DEFB134: variants seen among roughly 807,000 people sequenced by gnomAD.
The protein encoded by DEFB134 is beta-defensin 134.
A neutral mutation model predicts 7.4 loss-of-function variants in DEFB134; 7 were observed. The ratio of observed to expected loss-of-function variants is 0.95; its 90% CI spans 0.54 to 1.79. The LOEUF (loss-of-function observed/expected upper bound fraction) is 1.79. Ranked by LOEUF, DEFB134 falls within the 40% of genes most tolerant of loss-of-function variation. The pLI, the probability that DEFB134 is intolerant of heterozygous loss-of-function variation, is 0.00. For synonymous variants in DEFB134, 33 were observed against 25.0 expected, an observed-to-expected ratio of 1.32 and a Z score of -0.96; for missense variants, 105 against 74.8, an observed-to-expected ratio of 1.40 and a Z score of -1.49.
At chr8:11,996,097 T>C in intron 1 of DEFB134, 97 bp downstream of exon 2, 1 of 1,421,958 alleles carries the variant, frequency 7.0e-7, no homozygotes, top group Non-Finnish European at 9.7e-7. Flanking sequence ...AGCTTGAAAA[T>C]TAAAGGGCCC....
chr8:11,994,166 T>A (rs1800058019), intron 1 of DEFB134, 44 bp from the exon 3 acceptor site: 1 of 1,566,650 alleles, frequency 6.4e-7, no homozygotes, highest in South Asian at 1.2e-5. Flanking sequence ...ACAGGCCTTT[T>A]TGGACCATAA....
chr8:11,996,171 C>T, intron 1 of DEFB134, 23 bp downstream of exon 2: 1 of 1,613,060 alleles, frequency 6.2e-7, no homozygotes. Flanking sequence ...GCACCCCTAC[C>T]CCCCAAAATA....
At chr8:11,993,681 A>G (rs2150557786) in exon 2 of DEFB134, 1 of 259,902 alleles carries the variant, frequency 3.8e-6, no homozygotes, top group East Asian at 7.0e-5. Context: ...TTTCTAAATA[A>G]TAAGAATATC....
chr8:11,996,077 GC>G, intron 1 of DEFB134, 116 bp downstream of exon 2: 1 of 1,256,150 alleles, frequency 8.0e-7, no homozygotes, highest in Non-Finnish European at 1.1e-6. Flanking sequence ...ACTAGTTGAT[GC>G]TTTTTTCTAG....
At chr8:11,993,894 C>G (rs915170303) in exon 2 of DEFB134, 2 of 1,537,120 alleles carry the variant, frequency 1.3e-6, no homozygotes, top group Admixed American at 3.9e-5. Context: ...ATCATGGTGT[C>G]ACAGTTTGAT....
At chr8:11,995,168 A>C (rs1352320689) in intron 1 of DEFB134, among the ~76,000 whole-genome samples, 1 of 152,228 alleles carries the variant, frequency 6.6e-6, no homozygotes, top group Admixed American at 6.5e-5. Flanking sequence ...AGAACTTTCA[A>C]TGGAAATGAC....
chr8:11,996,227 C>G, exon 1 of DEFB134: 2 of 1,613,740 alleles, frequency 1.2e-6, no homozygotes, highest in Non-Finnish European at 1.7e-6. Flanking sequence ...AAAAGAAAGA[C>G]AAACACAACA....
upstream of DEFB134, chr8:11,996,354 G>A: frequency 7.5e-7 from 1 of 1,331,880 alleles, no homozygotes; most frequent in Non-Finnish European, 1.1e-6. Context: ...AACCTCTCAG[G>A]GCTGGGGTAT....
At chr8:11,999,040 T>A (rs1800200254), upstream of DEFB134, 1 of 153,262 alleles carries the variant, frequency 6.5e-6, no homozygotes, top group Non-Finnish European at 1.5e-5. Flanking sequence ...GAATCAGTAG[T>A]AAAAAACCTA....
At chr8:11,993,917 GT>G in exon 2 of DEFB134, 1 of 1,572,264 alleles carries the variant, frequency 6.4e-7, no homozygotes. Context: ...AAATTCCCTG[GT>G]TTTGTGAAAG....
chr8:11,995,945 G>A (rs111601803), intron 1 of DEFB134, among the ~76,000 whole-genome samples: 113 of 120,874 alleles, frequency 9.3e-4, no homozygotes, highest in Non-Finnish European at 1.3e-3. Flanking sequence ...TCATTGGTGC[G>A]GATCAGTTCA....
chr8:11,994,066 T>C (rs761938064), exon 2 of DEFB134: 2 of 1,613,934 alleles, frequency 1.2e-6, no homozygotes, highest in Non-Finnish European at 1.7e-6. Context: ...CATTCAAGTC[T>C]GCAGATGCCA....
At chr8:11,999,077 A>G (rs11998415), upstream of DEFB134, 14,561 of 155,078 alleles carry the variant, frequency 0.094, 1,185 homozygotes, top group African/African-American at 0.22. Context: ...CAAGGCAGGA[A>G]CCTATCATTT....
exon 1 of DEFB134, chr8:11,996,296 C>A (rs370394442): frequency 1.9e-6 from 3 of 1,606,276 alleles, no homozygotes; most frequent in Non-Finnish European, 2.6e-6. Context: ...GGTCTGACAT[C>A]GGCTGTCAGG....
chr8:11,999,633 A>G (rs564555993), upstream of DEFB134, among the ~76,000 whole-genome samples: 37 of 152,304 alleles, frequency 2.4e-4, no homozygotes, highest in Non-Finnish European at 4.7e-4. Context: ...CTTAAATATC[A>G]GAACAGGACA....
chr8:11,993,665 G>C (rs1156674037), exon 2 of DEFB134: 1 of 229,724 alleles, frequency 4.4e-6, no homozygotes, highest in African/African-American at 2.2e-5. Flanking sequence ...TGTTTCCCTT[G>C]AAGCCTTTCT....
At chr8:11,995,958 C>CAAAAAAAAAAAAA (rs34837269) in intron 1 of DEFB134, among the ~76,000 whole-genome samples, 30 of 139,924 alleles carry the variant, frequency 2.1e-4, no homozygotes, top group East Asian at 2.1e-3. Context: ...TCAGTTCAGC[C>CAAAAAAAAAAAAA]AAAAAAAAAA....
Position 11,996,192 on chromosome 8 carries a change from AC to A in DEFB134, c.58+1del. On this transcript the variant is annotated splice_donor_variant, in intron 1 of 1. Coordinates refer to ENST00000526438, the Ensembl canonical transcript of DEFB134. LOFTEE classifies it high-confidence loss of function. The stretch of plus-strand genomic sequence containing the variant: ...CTACCCCCCAAAATATGCCAGTTTT[AC>A]CTGCCAGCACTGGATCCCAAAGGAA... 6.2e-7 allele frequency: 1 copy of A among 1,613,656 alleles called. No homozygotes were observed. Among genetic ancestry groups the A allele is most frequent in the Non-Finnish European group, 8.5e-7 (1 of 1,179,668 alleles).
chr8:11,998,728 T>C (rs553760649), upstream of DEFB134, among the ~76,000 whole-genome samples: 1 of 151,740 alleles, frequency 6.6e-6, no homozygotes, highest in East Asian at 1.9e-4. Flanking sequence ...CATGAACCCA[T>C]ACAAAAGATT....
Sources: allele counts gnomAD v4.1 joint callset (sites outside exome capture counted in the v4.1 genomes callset), GRCh38; gene constraint gnomAD v4.1.1; transcripts MANE v1.5; gene names NCBI Gene and HGNC (gene_info 2026-07-23, HGNC 2026-07-21).